Variants in SUCLG2 observed in about 807,000 individuals in gnomAD.
SUCLG2 encodes succinate-CoA ligase GDP-forming subunit beta.
In SUCLG2, 42 loss-of-function variants were observed where a neutral mutation model predicts 47.9. The observed-to-expected ratio is 0.88, with a 90% CI of 0.69 to 1.14. The LOEUF is 1.14. Among genes scored for constraint, SUCLG2 ranks in the 50% most tolerant of loss-of-function variants. The pLI is 0.00. For missense variants in SUCLG2, 571 were observed against 525.9 expected (o/e 1.09, Z -0.84); for synonymous variants, 195 against 197.3 (o/e 0.99, Z 0.10).
At chr3:67,561,341 G>C (rs532487332) in intron 2 of SUCLG2, among the ~76,000 whole-genome samples, 82 of 151,970 alleles carry the variant, frequency 5.4e-4, no homozygotes, top group African/African-American at 1.7e-3. Context: ...AAAATGAAGT[G>C]GGTCTTTAAC....
At chr3:67,378,490 T>G (rs1702083742) in intron 10 of SUCLG2, among the ~76,000 whole-genome samples, 1 of 152,188 alleles carries the variant, frequency 6.6e-6, no homozygotes, top group Non-Finnish European at 1.5e-5. Context: ...CTGGGTCTAA[T>G]AGCCAAGGAG....
chr3:67,634,145 G>A (rs879399951), intron 1 of SUCLG2, among the ~76,000 whole-genome samples: 21 of 152,120 alleles, frequency 1.4e-4, no homozygotes, highest in South Asian at 2.1e-4. Flanking sequence ...ATCCTGCATC[G>A]TCTAGCTTCT....
At chr3:67,448,748 C>T (rs1364484478) in intron 9 of SUCLG2, among the ~76,000 whole-genome samples, 1 of 152,096 alleles carries the variant, frequency 6.6e-6, no homozygotes, top group Admixed American at 6.6e-5. Context: ...GGACATATAG[C>T]TGGTACTAGG....
intron 2 of SUCLG2, among the ~76,000 whole-genome samples, chr3:67,558,463 C>T (rs967688432): frequency 6.6e-6 from 1 of 152,132 alleles, no homozygotes; most frequent in Non-Finnish European, 1.5e-5. Context: ...TCTTGCTTGG[C>T]CGTGGTGGAC....
At chr3:67,576,632 T>C (rs964396303) in intron 2 of SUCLG2, among the ~76,000 whole-genome samples, 1 of 152,226 alleles carries the variant, frequency 6.6e-6, no homozygotes, top group African/African-American at 2.4e-5. Context: ...CTATGTAAGA[T>C]GGAGATCATC....
intron 1 of SUCLG2, among the ~76,000 whole-genome samples, chr3:67,650,145 A>G (rs2107386051): frequency 6.6e-6 from 1 of 152,358 alleles, no homozygotes; most frequent in South Asian, 2.1e-4. Context: ...TCATTTTAAA[A>G]AAAGAAAAAA....
intron 1 of SUCLG2, among the ~76,000 whole-genome samples, chr3:67,621,612 T>C (rs1049688534): frequency 1.3e-5 from 2 of 152,082 alleles, no homozygotes; most frequent in Non-Finnish European, 2.9e-5. Context: ...CATTCAAGGA[T>C]GAATGGATTA....
chr3:67,459,746 G>C (rs563945086), intron 9 of SUCLG2, among the ~76,000 whole-genome samples: 1 of 152,290 alleles, frequency 6.6e-6, no homozygotes, highest in African/African-American at 2.4e-5. Flanking sequence ...CTTACATAAA[G>C]GAACACTGGT....
At chr3:67,433,200 A>G (rs1224333422) in intron 9 of SUCLG2, among the ~76,000 whole-genome samples, 1 of 152,192 alleles carries the variant, frequency 6.6e-6, no homozygotes, top group Non-Finnish European at 1.5e-5. Context: ...ATAGAACACC[A>G]CTTTATAACC....
intron 9 of SUCLG2, among the ~76,000 whole-genome samples, chr3:67,438,090 G>A (rs1445992207): frequency 1.3e-5 from 2 of 152,062 alleles, no homozygotes. Context: ...TCAAAACCAC[G>A]CAACTACGTG....
chr3:67,633,844 C>CT (rs1381349096), intron 1 of SUCLG2, among the ~76,000 whole-genome samples: 2 of 152,186 alleles, frequency 1.3e-5, no homozygotes, highest in East Asian at 3.9e-4. Flanking sequence ...TTTCTGCCTA[C>CT]TTTTAGTTAC....
intron 6 of SUCLG2, among the ~76,000 whole-genome samples, chr3:67,510,750 G>A (rs1705765155): frequency 6.6e-6 from 1 of 151,996 alleles, no homozygotes; most frequent in South Asian, 2.1e-4. Flanking sequence ...GTTTCTAATA[G>A]GTTGACATTA....
intron 9 of SUCLG2, among the ~76,000 whole-genome samples, chr3:67,430,294 A>T (rs1703440429): frequency 6.6e-6 from 1 of 152,128 alleles, no homozygotes; most frequent in Non-Finnish European, 1.5e-5. Flanking sequence ...GGATTAAGAA[A>T]CTCACTCAAA....
intron 2 of SUCLG2, among the ~76,000 whole-genome samples, chr3:67,580,189 T>C (rs1027740167): frequency 6.6e-6 from 1 of 152,174 alleles, no homozygotes; most frequent in Non-Finnish European, 1.5e-5. Flanking sequence ...CCCTCCTCTT[T>C]TTTTTCTAGC....
intron 2 of SUCLG2, among the ~76,000 whole-genome samples, chr3:67,596,735 G>T (rs763127308): frequency 1.3e-5 from 2 of 152,184 alleles, no homozygotes; most frequent in African/African-American, 2.4e-5. Flanking sequence ...CCATTGAAAA[G>T]AGGTTACTTA....
At chr3:67,596,921 C>A (rs942312869) in intron 2 of SUCLG2, among the ~76,000 whole-genome samples, 11 of 152,116 alleles carry the variant, frequency 7.2e-5, no homozygotes, top group Non-Finnish European at 1.6e-4. Flanking sequence ...ATTTGGGACA[C>A]CTTTAAACTG....
intron 2 of SUCLG2, among the ~76,000 whole-genome samples, chr3:67,533,039 C>A (rs1042233081): frequency 1.6e-4 from 25 of 152,050 alleles, no homozygotes; most frequent in Non-Finnish European, 3.1e-4. Flanking sequence ...ATTAAGCAAG[C>A]TTTGTAAAAT....
chr3:67,418,229 A>G (rs1377929827), intron 9 of SUCLG2, among the ~76,000 whole-genome samples: 1 of 152,226 alleles, frequency 6.6e-6, no homozygotes, highest in Non-Finnish European at 1.5e-5. Context: ...AATTAAAATA[A>G]GGCACTAAGC....
intron 8 of SUCLG2, 122 bp downstream of exon 8, chr3:67,498,012 C>A: frequency 9.5e-7 from 1 of 1,055,200 alleles, no homozygotes; most frequent in South Asian, 1.7e-5. Flanking sequence ...TTTCCTAAGA[C>A]TTTTCAGCTA....
Sources: gnomAD v4.1 joint callset for allele counts (sites outside exome capture counted in the v4.1 genomes callset) on GRCh38, gnomAD v4.1.1 for gene constraint, MANE v1.5 for transcripts, NCBI Gene and HGNC (gene_info 2026-07-23, HGNC 2026-07-21) for gene names.